The following MKNK1 variants were observed in gnomAD, a reference collection of about 807,000 sequenced individuals.
MKNK1 encodes MAPK interacting serine/threonine kinase 1.
Under a neutral mutation model 49.3 loss-of-function variants are expected in MKNK1, and 30 were observed. That is an observed-to-expected ratio of 0.61 (90% CI 0.46 to 0.83). MKNK1 has a LOEUF of 0.83. Ranked by LOEUF, MKNK1 falls within the 40% of genes least tolerant of loss-of-function variation. MKNK1 has a pLI of 0.00. For missense variants in MKNK1, 423 were observed against 524.7 expected (o/e 0.81, Z 1.89); for synonymous variants, 176 against 201.7 (o/e 0.87, Z 1.08).
chr1:46,576,626 C>T lies in MKNK1; in HGVS notation c.227G>A (p.Arg76Gln), dbSNP rs992371385. ...KIIEKQAGHS[R>Q]SRVFREVETL... ...CTCCACCTCTCGAAACACCCTACTC[C>T]GACTGTGCCCTGCTTGTTTCTCGAT... The change falls in exon 5 of 13, where the codon CGG becomes CAG. Residue 76 changes from arginine to glutamine, a missense_variant. By Grantham distance (43) the Arg-to-Gln change is conservative. Coordinates refer to ENST00000371945, the MANE Select transcript of MKNK1 (RefSeq NM_001135553.4). 3.1e-6 allele frequency: 5 copies of T among 1,614,142 alleles called. No individual in the cohort carries two copies. Among genetic ancestry groups the T allele is most frequent in the Admixed American group, 1.7e-5 (1 of 60,024 alleles).
At chr1:46,593,854 T>TG (rs1553208763) in intron 2 of MKNK1, 8 of 131,282 alleles carry the variant, frequency 6.1e-5, no homozygotes, top group Admixed American at 1.4e-4. Context: ...AGACTCTATC[T>TG]GAAAAAAAAA....
intron 11 of MKNK1, among the ~76,000 whole-genome samples, chr1:46,561,082 T>C (rs1173692461): frequency 6.6e-6 from 1 of 152,238 alleles, no homozygotes; most frequent in Non-Finnish European, 1.5e-5. Flanking sequence ...GGAGAACCTA[T>C]GTGCCCCAAC....
intron 1 of MKNK1, among the ~76,000 whole-genome samples, chr1:46,601,360 C>T (rs914693649): frequency 1.3e-5 from 2 of 152,236 alleles, no homozygotes; most frequent in East Asian, 1.9e-4. Context: ...CATGCTGAGG[C>T]TGTTGGCAAG....
At chr1:46,599,509 C>T (rs1416496368) in intron 1 of MKNK1, among the ~76,000 whole-genome samples, 1 of 152,180 alleles carries the variant, frequency 6.6e-6, no homozygotes. Flanking sequence ...ACCTATTAAA[C>T]CTATCAAGCA....
At chr1:46,561,368 G>A in intron 11 of MKNK1, 110 bp downstream of exon 11, 1 of 1,260,004 alleles carries the variant, frequency 7.9e-7, no homozygotes, top group South Asian at 1.6e-5. Flanking sequence ...GTCCTCTTCA[G>A]CTGCACCAGC....
intron 8 of MKNK1, 39 bp downstream of exon 8, chr1:46,568,403 TA>T: frequency 6.2e-7 from 1 of 1,600,782 alleles, no homozygotes; most frequent in Middle Eastern, 1.7e-4. Context: ...GCTTCCTCGG[TA>T]AGTATAAACT....
chr1:46,592,011 G>T (rs1197906469), intron 2 of MKNK1, among the ~76,000 whole-genome samples: 1 of 151,976 alleles, frequency 6.6e-6, no homozygotes, highest in African/African-American at 2.4e-5. Flanking sequence ...AGGCTGAGGT[G>T]GGCAGACCAC....
At chr1:46,562,898 T>A (rs1295718217) in intron 9 of MKNK1, 55 bp from the exon 10 acceptor site, 4 of 1,433,108 alleles carry the variant, frequency 2.8e-6, no homozygotes, top group African/African-American at 1.4e-5. Context: ...AGAGGCTTAG[T>A]TACAGCAGAG....
intron 10 of MKNK1, among the ~76,000 whole-genome samples, chr1:46,562,350 C>G (rs1335496117): frequency 7.7e-6 from 1 of 129,302 alleles, no homozygotes; most frequent in Non-Finnish European, 1.6e-5. Context: ...GAGTCGAGAT[C>G]GTGCCATTGC....
At position 46,575,100 on chromosome 1, in the gene MKNK1, GA is replaced by G. The variant is rs1314602231; in HGVS notation, c.279-81del. ...TAAAGTCTACTTACAAATATACAAT[GA>G]AAAAAATATACAACACCTGGTAGTG... On this transcript the variant is annotated intron_variant, in intron 5 of 12. Coordinates refer to ENST00000371945, the MANE Select transcript of MKNK1 (RefSeq NM_001135553.4). 2.0e-4 allele frequency: 184 copies of G among 921,596 alleles called. 1 individual carries two copies. In the East Asian group the frequency reaches 4.4e-3, roughly 22 times the overall value. 57.1% of individuals were successfully genotyped at this position (921,596 alleles called of 1,614,324 possible).
chr1:46,597,253 A>C (rs142020920), intron 1 of MKNK1, among the ~76,000 whole-genome samples: 1 of 152,054 alleles, frequency 6.6e-6, no homozygotes, highest in East Asian at 1.9e-4. Flanking sequence ...CTGGGAATTA[A>C]ATTTCTTCAG....
At chr1:46,585,118 C>G (rs529015640) in intron 2 of MKNK1, among the ~76,000 whole-genome samples, 2 of 151,188 alleles carry the variant, frequency 1.3e-5, no homozygotes, top group Non-Finnish European at 3.0e-5. Context: ...GGTGTGGTGG[C>G]GGGTGCCTGT....
chr1:46,583,207 T>C (rs780031965), intron 3 of MKNK1, 21 bp downstream of exon 3: 7 of 1,601,404 alleles, frequency 4.4e-6, no homozygotes, highest in Admixed American at 3.3e-5. Context: ...GGCCCAGATA[T>C]AGGGAAGTTG....
chr1:46,583,397 GAA>G (rs111325784), intron 2 of MKNK1, 68 bp from the exon 3 acceptor site: 21 of 1,119,648 alleles, frequency 1.9e-5, no homozygotes, highest in Admixed American at 4.9e-5. Flanking sequence ...TACCCAGAAG[GAA>G]AAAAAAAAGG....
At chr1:46,564,044 C>CAAAA (rs1217205121) in intron 9 of MKNK1, among the ~76,000 whole-genome samples, 6,987 of 38,228 alleles carry the variant, frequency 0.18, 1,709 homozygotes, top group South Asian at 0.35. Context: ...GACTCTGTCT[C>CAAAA]AAAAAAAAAA....
Position 46,565,128 on chromosome 1 carries a change from T to C in MKNK1, c.522A>G (p.Pro174=), listed in dbSNP as rs1270358797. Residue 174 remains proline, a synonymous_variant, in exon 9 of 13, where the codon CCA becomes CCG. Coordinates refer to ENST00000371945, the MANE Select transcript of MKNK1 (RefSeq NM_001135553.4). ...ILCESPEKVS[P]VKICDFDLGS... The stretch of plus-strand genomic sequence containing the variant: ...CCAAGTCAAAGTCACAGATTTTCAC[T>C]GGAGACACCTGAAAAGGAAAACAGA... 1 of 1,614,094 alleles carries C rather than the reference T, an allele frequency of 6.2e-7. No homozygotes were observed. Among genetic ancestry groups the C allele is most frequent in the Admixed American group, 1.7e-5 (1 of 60,024 alleles).
chr1:46,560,163 C>G (rs1224585891), intron 12 of MKNK1, 71 bp downstream of exon 12: 1 of 1,565,070 alleles, frequency 6.4e-7, no homozygotes. Flanking sequence ...GATGGGCTCC[C>G]CCGGCCCCCA....
chr1:46,564,186 T>C (rs1668587451), intron 9 of MKNK1, among the ~76,000 whole-genome samples: 1 of 151,814 alleles, frequency 6.6e-6, no homozygotes. Context: ...CATCTGGTCA[T>C]GAAATGTGAA....
rs1178975502 is a variant in MKNK1, at chr1:46,589,479, G to A, written c.-3+4634C>T. The stretch of plus-strand genomic sequence containing the variant: ...ACATTAGCTCACAAGCAGTCTCATC[G>A]TCATCGATGATAATAAATGTCTCCA... On this transcript the variant is annotated intron_variant, in intron 2 of 12. Coordinates refer to ENST00000371945, the MANE Select transcript of MKNK1 (RefSeq NM_001135553.4). This position sits in a 1 kb window ranked among gnomAD's most constrained non-coding sequence, Gnocchi z 4.3. Among the ~76,000 whole-genome samples the A allele has an allele frequency of 2.6e-5, 4 of 152,154 alleles. No homozygotes were observed. The highest frequency in any genetic ancestry group is 6.5e-5 in the Admixed American group (1 of 15,276).
Sources: allele counts gnomAD v4.1 joint callset (sites outside exome capture counted in the v4.1 genomes callset), GRCh38; gene constraint gnomAD v4.1.1; non-coding constraint Gnocchi (gnomAD v3.1); transcripts MANE v1.5; gene names NCBI Gene and HGNC (gene_info 2026-07-23, HGNC 2026-07-21).